Variants in CCDC63 observed in about 807,000 individuals in gnomAD.
The protein encoded by CCDC63 is coiled-coil domain containing 63, also known as coiled-coil domain-containing protein 63.
A neutral mutation model predicts 63.6 loss-of-function variants in CCDC63; 54 were observed. The observed-to-expected ratio is 0.85, with a 90% CI of 0.68 to 1.07. The LOEUF (loss-of-function observed/expected upper bound fraction) is 1.07, where lower values mean the gene tolerates loss of function less well. Among genes scored for constraint, CCDC63 ranks in the 50% least tolerant of loss-of-function variants. The pLI is 0.00. For synonymous variants in CCDC63, 253 were observed against 266.1 expected (o/e 0.95, Z 0.48); for missense variants, 637 against 689.6 (o/e 0.92, Z 0.86).
chr12:110,867,630 T>C (rs2070985613), intron 4 of CCDC63, among the ~76,000 whole-genome samples: 1 of 119,390 alleles, frequency 8.4e-6, no homozygotes, highest in Admixed American at 8.0e-5. Context: ...GAGGGGCTCC[T>C]CACTTCCCAG....
chr12:110,850,226 C>T (rs1260205575), intron 1 of CCDC63, among the ~76,000 whole-genome samples: 5 of 152,228 alleles, frequency 3.3e-5, no homozygotes, highest in African/African-American at 4.8e-5. Flanking sequence ...AAGGTCACAT[C>T]CACTTCTTAA....
chr12:110,854,961 G>C (rs1196779658), intron 3 of CCDC63, among the ~76,000 whole-genome samples: 29 of 151,928 alleles, frequency 1.9e-4, no homozygotes, highest in Admixed American at 1.8e-3. Flanking sequence ...AGCACGCCTG[G>C]CTAATTTTTT....
At chr12:110,861,600 C>G (rs1297475663) in intron 4 of CCDC63, among the ~76,000 whole-genome samples, 1 of 151,984 alleles carries the variant, frequency 6.6e-6, no homozygotes, top group Non-Finnish European at 1.5e-5. Context: ...GAAACGGAGT[C>G]CCACTCTGTC....
In CCDC63 at chr12:110,907,278, C is replaced by G. The variant is rs2071600987; in HGVS notation, c.1547-53C>G. 1.3e-6 allele frequency: 2 copies of G among 1,582,584 alleles called. No individual in the cohort carries two copies. Among genetic ancestry groups the G allele is most frequent in the Admixed American group, 1.7e-5 (1 of 58,068 alleles). On this transcript the variant is annotated intron_variant, in intron 11 of 11. Coordinates refer to ENST00000308208, the MANE Select transcript of CCDC63 (RefSeq NM_152591.3). This position sits in a 1 kb window ranked among gnomAD's most constrained non-coding sequence, Gnocchi z 4.4. ...GAGGGACGCCAAACCAGGCTTAGCC[C>G]CAGCCCTGGGGTTGATTTCCCAGCA... is the stretch of plus-strand genomic sequence containing the variant.
In CCDC63 at chr12:110,907,180, A is replaced by G; in HGVS notation, c.1547-151A>G. The G allele has an allele frequency of 3.0e-6, 2 of 674,588 alleles. No individual in the cohort carries two copies. The highest frequency in any genetic ancestry group is 4.8e-6 in the Non-Finnish European group (2 of 413,558). 41.8% of individuals were successfully genotyped at this position (674,588 alleles called of 1,614,324 possible). On this transcript the variant is annotated intron_variant, in intron 11 of 11. Transcript: ENST00000308208. This position sits in a 1 kb window ranked among gnomAD's most constrained non-coding sequence, Gnocchi z 4.4. Reference sequence around the variant, plus strand: ...ACTAGTCATTGTCTGGGCAGCCCCAAGAAGTATATTTCTGTTCATTCTCCC... The same window carrying G: ...ACTAGTCATTGTCTGGGCAGCCCCAGGAAGTATATTTCTGTTCATTCTCCC...
At position 110,865,464 on chromosome 12, in the gene CCDC63, C is replaced by CAAAAAAAAAAAAAAAAAAA. The variant is rs10585238; in HGVS notation, c.369+6707_369+6708insAAAAAAAAAAAAAAAAAAA. Among the ~76,000 whole-genome samples, 40 of 102,248 alleles carry CAAAAAAAAAAAAAAAAAAA rather than the reference C, an allele frequency of 3.9e-4. 1 individual carries two copies. The highest frequency in any genetic ancestry group is 6.5e-4 in the East Asian group (2 of 3,070). The allele number at this position is 102,248 out of a possible 152,430, so 67.1% of individuals were successfully genotyped here. A position where few individuals can be genotyped will look rare whatever the true frequency, so the allele number is the denominator to read the frequency against. Reference sequence around the variant, plus strand: ...TAATTGATAGATGTTCAGCATATACCAAAAAAAAAAAAAAAAAAGAAAAAA... The same window carrying CAAAAAAAAAAAAAAAAAAA: ...TAATTGATAGATGTTCAGCATATACCAAAAAAAAAAAAAAAAAAAAAAAAAAAAAAAAAAAAAGAAAAAA... On this transcript the variant is annotated intron_variant, in intron 4 of 11. Coordinates refer to ENST00000308208, the MANE Select transcript of CCDC63 (RefSeq NM_152591.3).
chr12:110,856,572 A>G (rs1244931500), intron 3 of CCDC63, among the ~76,000 whole-genome samples: 1 of 151,880 alleles, frequency 6.6e-6, no homozygotes, highest in Non-Finnish European at 1.5e-5. Flanking sequence ...ATTAATTAAA[A>G]TAAATAAAAT....
At chr12:110,883,240 G>GT (rs779668179) in intron 7 of CCDC63, among the ~76,000 whole-genome samples, 1 of 152,134 alleles carries the variant, frequency 6.6e-6, no homozygotes, top group Non-Finnish European at 1.5e-5. Flanking sequence ...GTTTCACCAT[G>GT]TTGGCCAGGA....
At chr12:110,874,852 C>T (rs1340132463) in intron 5 of CCDC63, among the ~76,000 whole-genome samples, 1 of 152,078 alleles carries the variant, frequency 6.6e-6, no homozygotes, top group African/African-American at 2.4e-5. Flanking sequence ...AAGGGCAGCC[C>T]TATTCAAAAT....
intron 4 of CCDC63, among the ~76,000 whole-genome samples, chr12:110,873,529 C>T (rs1256381214): frequency 6.6e-6 from 1 of 152,212 alleles, no homozygotes; most frequent in Non-Finnish European, 1.5e-5. Context: ...GAATGTATGT[C>T]ATTGTGTATA....
intron 8 of CCDC63, among the ~76,000 whole-genome samples, chr12:110,885,310 C>T (rs1244990116): frequency 1.3e-5 from 2 of 152,072 alleles, no homozygotes; most frequent in Admixed American, 6.6e-5. Flanking sequence ...CTCATCTTGG[C>T]GAGACTTGAT....
chr12:110,887,577 AC>A (rs1312428026), intron 8 of CCDC63, among the ~76,000 whole-genome samples: 1 of 152,036 alleles, frequency 6.6e-6, no homozygotes, highest in Non-Finnish European at 1.5e-5. Context: ...CTGGGACCCT[AC>A]CTTTTTGCCT....
At chr12:110,867,641 T>G (rs1256827120) in intron 4 of CCDC63, among the ~76,000 whole-genome samples, 6 of 101,984 alleles carry the variant, frequency 5.9e-5, no homozygotes, top group South Asian at 3.8e-4. Context: ...CACTTCCCAG[T>G]AGGGGCGGCC....
Position 110,889,985 on chromosome 12 carries a change from G to A in CCDC63, c.1075-3091G>A, listed in dbSNP as rs547301577. Among the ~76,000 whole-genome samples the A allele has an allele frequency of 9.2e-5, 14 of 152,030 alleles. No individual in the cohort carries two copies. The highest frequency in any genetic ancestry group is 4.2e-4 in the South Asian group (2 of 4,816). On this transcript the variant is annotated intron_variant, in intron 8 of 11. Coordinates refer to ENST00000308208, the MANE Select transcript of CCDC63 (RefSeq NM_152591.3). This position sits in a 1 kb window ranked among gnomAD's most constrained non-coding sequence, Gnocchi z 4.1. ...GGAATAATTCCATCACACGGACATAGCATTGTTTCATCTTTTTGGTAGAGT... is the reference window on the plus strand; with the variant it reads ...GGAATAATTCCATCACACGGACATAACATTGTTTCATCTTTTTGGTAGAGT...
At chr12:110,867,131 C>A (rs1315083009) in intron 4 of CCDC63, among the ~76,000 whole-genome samples, 1 of 140,424 alleles carries the variant, frequency 7.1e-6, no homozygotes, top group South Asian at 2.3e-4. Context: ...GGGGCTGACC[C>A]CCCCCACCTC....
chr12:110,853,453 G>GA lies in CCDC63; in HGVS notation c.59dup (p.Lys21GlufsTer29). 1 of 1,614,078 alleles carries GA rather than the reference G, an allele frequency of 6.2e-7. No individual in the cohort carries two copies. Among genetic ancestry groups the GA allele is most frequent in the East Asian group, 2.2e-5 (1 of 44,876 alleles). Reference sequence around the variant, plus strand: ...CTCCGACACTCCCCAGGAACCTTCGGAGAAGGCCAAAGAGCAGCAGGCGGA... The same window carrying GA: ...CTCCGACACTCCCCAGGAACCTTCGGAAGAAGGCCAAAGAGCAGCAGGCGGA... On this transcript the variant is annotated frameshift_variant, in exon 3 of 12. Coordinates refer to ENST00000308208, the MANE Select transcript of CCDC63 (RefSeq NM_152591.3). LOFTEE classifies it high-confidence loss of function.
At position 110,853,451 on chromosome 12, in the gene CCDC63, C is replaced by G. The variant is rs774363534; in HGVS notation, c.56C>G (p.Ser19Trp). 5.0e-6 allele frequency: 8 copies of G among 1,613,882 alleles called. No homozygotes were observed. The highest frequency in any genetic ancestry group is 2.2e-5 in the South Asian group (2 of 91,064). The part of the protein sequence containing the change: ...RKDSDTPQEP[S>W]EKAKEQQAEA... Reference sequence around the variant, plus strand: ...GACTCCGACACTCCCCAGGAACCTTCGGAGAAGGCCAAAGAGCAGCAGGCG... The same window carrying G: ...GACTCCGACACTCCCCAGGAACCTTGGGAGAAGGCCAAAGAGCAGCAGGCG... The change falls in exon 3 of 12, where the codon TCG becomes TGG. Residue 19 changes from serine (S) to tryptophan (W), a missense_variant. Coordinates refer to ENST00000308208, the MANE Select transcript of CCDC63 (RefSeq NM_152591.3).
rs1047797445 is a variant in CCDC63, at chr12:110,889,485, C to T, written c.1075-3591C>T. Among the ~76,000 whole-genome samples the T allele has an allele frequency of 2.0e-5, 3 of 152,106 alleles. No homozygotes were observed. Among genetic ancestry groups the T allele is most frequent in the Non-Finnish European group, 2.9e-5 (2 of 68,020 alleles). ...CTTACAGGTGAAGGATTGAGCTGTC[C>T]AGATCTCTGGGGAAGAACGCTCCAG... is the stretch of plus-strand genomic sequence containing the variant. On this transcript the variant is annotated intron_variant, in intron 8 of 11. Coordinates refer to ENST00000308208, the MANE Select transcript of CCDC63 (RefSeq NM_152591.3). The surrounding 1 kb of genome is among the most constrained non-coding windows in gnomAD (Gnocchi z 4.1).
chr12:110,872,067 G>A (rs544138859), intron 4 of CCDC63, among the ~76,000 whole-genome samples: 1 of 152,238 alleles, frequency 6.6e-6, no homozygotes, highest in Admixed American at 6.5e-5. Flanking sequence ...AAAGTTATTT[G>A]TACTAGAATG....
Sources: gnomAD v4.1 joint callset for allele counts (sites outside exome capture counted in the v4.1 genomes callset) on GRCh38, gnomAD v4.1.1 for gene constraint, Gnocchi (gnomAD v3.1) non-coding constraint, MANE v1.5 for transcripts, NCBI Gene and HGNC (gene_info 2026-07-23, HGNC 2026-07-21) for gene names.